Variants in NTN1 observed in about 807,000 individuals in gnomAD.
The protein encoded by NTN1 is netrin 1.
Under a neutral mutation model 54.2 loss-of-function variants are expected in NTN1, and 11 were observed. That is an observed-to-expected ratio of 0.20 (90% confidence interval 0.13 to 0.34). The LOEUF (loss-of-function observed/expected upper bound fraction) is 0.34. Ranked by LOEUF, NTN1 falls within the 10% of genes least tolerant of loss-of-function variation. The pLI is 1.00. For synonymous variants in NTN1, 371 were observed against 382.0 expected, an observed-to-expected ratio of 0.97 and a Z score of 0.33; for missense variants, 740 against 893.1, an observed-to-expected ratio of 0.83 and a Z score of 2.18.
At chr17:9,019,580 A>C (rs79027554), upstream of NTN1, among the ~76,000 whole-genome samples, 371 of 152,368 alleles carry the variant, frequency 2.4e-3, 3 homozygotes, top group African/African-American at 8.3e-3. Context: ...ATCAGCTATA[A>C]TATTCAAATG....
chr17:9,230,972 G>T (rs1905789335), intron 6 of NTN1, among the ~76,000 whole-genome samples: 1 of 152,128 alleles, frequency 6.6e-6, no homozygotes, highest in Non-Finnish European at 1.5e-5. Flanking sequence ...CTCAGAGTAG[G>T]GGTGGGGTGG....
At chr17:9,114,092 G>A (rs553641428) in intron 2 of NTN1, among the ~76,000 whole-genome samples, 199 of 145,878 alleles carry the variant, frequency 1.4e-3, no homozygotes, top group African/African-American at 4.9e-3. Context: ...AACCTGGGAG[G>A]CGGAGGTTGC....
chr17:9,034,999 T>G (rs2091899007), intron 2 of NTN1, among the ~76,000 whole-genome samples: 1 of 152,188 alleles, frequency 6.6e-6, no homozygotes, highest in South Asian at 2.1e-4. Context: ...CAGGCTGGAG[T>G]GCAGTGGCGT....
chr17:9,017,082 GT>G (rs2091833513), upstream of NTN1, among the ~76,000 whole-genome samples: 1 of 152,100 alleles, frequency 6.6e-6, no homozygotes, highest in Admixed American at 6.5e-5. Context: ...TACAAGCATA[GT>G]TTTATCTGTC....
intron 2 of NTN1, among the ~76,000 whole-genome samples, chr17:9,106,642 T>G (rs999293476): frequency 4.6e-5 from 7 of 152,080 alleles, no homozygotes; most frequent in Non-Finnish European, 1.0e-4. Context: ...GCCTCCCAAG[T>G]AGCTGGGAGT....
chr17:9,099,438 A>G (rs2092142261), intron 2 of NTN1, among the ~76,000 whole-genome samples: 1 of 152,180 alleles, frequency 6.6e-6, no homozygotes, highest in South Asian at 2.1e-4. Context: ...CTCTCACTTT[A>G]TGAATATAGA....
intron 5 of NTN1, among the ~76,000 whole-genome samples, chr17:9,208,164 G>A (rs1011379633): frequency 2.0e-5 from 3 of 152,162 alleles, no homozygotes; most frequent in Admixed American, 6.5e-5. Context: ...CCTGGAAGGC[G>A]GAGGTTGCAG....
chr17:9,137,654 T>C (rs1263664285), intron 2 of NTN1, among the ~76,000 whole-genome samples: 6 of 151,768 alleles, frequency 4.0e-5, no homozygotes, highest in Admixed American at 3.9e-4. Flanking sequence ...ATTAGCTGAG[T>C]GTGATGGCAG....
intron 2 of NTN1, among the ~76,000 whole-genome samples, chr17:9,161,402 A>G (rs1480206403): frequency 6.6e-6 from 1 of 152,188 alleles, no homozygotes; most frequent in Non-Finnish European, 1.5e-5. Flanking sequence ...AGGACGAGAC[A>G]GGACCAGCTT....
intron 5 of NTN1, among the ~76,000 whole-genome samples, chr17:9,195,698 C>T (rs1468618112): frequency 4.6e-5 from 7 of 152,166 alleles, no homozygotes; most frequent in Non-Finnish European, 1.0e-4. Context: ...TGGGTCACAC[C>T]TGGCCTGAGG....
intron 2 of NTN1, among the ~76,000 whole-genome samples, chr17:9,065,005 C>T (rs8079785): frequency 0.04 from 6,022 of 152,218 alleles, 396 homozygotes; most frequent in African/African-American, 0.14. Context: ...GGTGCAATCT[C>T]GGCTCACTGC....
At position 9,144,094 on chromosome 17, in the gene NTN1, C is replaced by T. The variant is rs140913244; in HGVS notation, c.1019-18719C>T. Reference sequence around the variant, plus strand: ...TATTTTTAGTAGAGACAGGGTTTCACCATGTTGGCCAGGCTGATCTAGAAC... The same window carrying T: ...TATTTTTAGTAGAGACAGGGTTTCATCATGTTGGCCAGGCTGATCTAGAAC... On this transcript the variant is annotated intron_variant, in intron 2 of 6. Transcript: ENST00000173229. Among the ~76,000 whole-genome samples the T allele has an allele frequency of 2.4e-4, 37 of 152,232 alleles. No individual in the cohort carries two copies. The East Asian group carries it at 6.4e-3, about 26-fold the overall frequency.
intron 2 of NTN1, among the ~76,000 whole-genome samples, chr17:9,030,196 G>C (rs1442144919): frequency 3.3e-5 from 5 of 152,026 alleles, no homozygotes; most frequent in African/African-American, 1.2e-4. Flanking sequence ...TTAAGTTCCT[G>C]CCCCAAGCAC....
At chr17:9,230,218 G>A (rs752151326) in intron 6 of NTN1, among the ~76,000 whole-genome samples, 2 of 152,182 alleles carry the variant, frequency 1.3e-5, no homozygotes, top group African/African-American at 2.4e-5. Flanking sequence ...GGGCAGAGAT[G>A]TTAGAGGAGC....
chr17:9,058,617 C>T (rs2091986327), intron 2 of NTN1, among the ~76,000 whole-genome samples: 1 of 124,170 alleles, frequency 8.1e-6, no homozygotes, highest in Admixed American at 1.0e-4. Context: ...ATGTAAGATC[C>T]TTGGCCCATG....
At chr17:9,218,915 GA>G (rs58849878) in intron 5 of NTN1, among the ~76,000 whole-genome samples, 57,717 of 140,972 alleles carry the variant, frequency 0.41, 11,356 homozygotes, top group Non-Finnish European at 0.45. Flanking sequence ...TGGCTTTTGT[GA>G]AAAAAAAAAA....
chr17:9,080,027 C>G (rs1451393973), intron 2 of NTN1, among the ~76,000 whole-genome samples: 5 of 151,982 alleles, frequency 3.3e-5, no homozygotes, highest in Non-Finnish European at 7.4e-5. Context: ...CCCAGCAGGC[C>G]TGTTTCCTGG....
chr17:9,138,434 G>A (rs1210127824), intron 2 of NTN1, among the ~76,000 whole-genome samples: 1 of 152,060 alleles, frequency 6.6e-6, no homozygotes, highest in Non-Finnish European at 1.5e-5. Flanking sequence ...TACTTCCAGG[G>A]GGTAGGTGTC....
At chr17:9,145,227 C>A (rs1028234940) in intron 2 of NTN1, among the ~76,000 whole-genome samples, 1 of 152,196 alleles carries the variant, frequency 6.6e-6, no homozygotes, top group African/African-American at 2.4e-5. Context: ...GCACCAGGGC[C>A]AAGAAATGTG....
Sources: gnomAD v4.1 joint callset for allele counts (sites outside exome capture counted in the v4.1 genomes callset) on GRCh38, gnomAD v4.1.1 for gene constraint, MANE v1.5 for transcripts, NCBI Gene and HGNC (gene_info 2026-07-23, HGNC 2026-07-21) for gene names.